TTC34: variants seen among roughly 807,000 people sequenced by gnomAD.
TTC34 encodes tetratricopeptide repeat domain 34, also known as tetratricopeptide repeat protein 34.
Under a neutral mutation model 40.7 loss-of-function variants are expected in TTC34, and 44 were observed. That is an observed-to-expected ratio of 1.08 (90% CI 0.85 to 1.39). TTC34 has a LOEUF of 1.39. TTC34 is among the 40% of genes most tolerant of loss of function. TTC34 has a pLI of 0.00. For synonymous variants in TTC34, 422 were observed against 398.6 expected, an observed-to-expected ratio of 1.06 and a Z score of -0.70; for missense variants, 884 against 838.0, an observed-to-expected ratio of 1.05 and a Z score of -0.68.
chr1:2,778,710 C>T (rs1413583953), intron 6 of TTC34, among the ~76,000 whole-genome samples: 1 of 152,232 alleles, frequency 6.6e-6, no homozygotes, highest in African/African-American at 2.4e-5. Flanking sequence ...GCAGCACCCA[C>T]CCTCTTCTTT....
intron 6 of TTC34, among the ~76,000 whole-genome samples, chr1:2,690,721 G>A (rs1176701801): frequency 2.5e-5 from 2 of 80,312 alleles, no homozygotes; most frequent in African/African-American, 4.2e-5. Flanking sequence ...GCATGCGATA[G>A]CCTGGAGCAG....
chr1:2,684,665 C>T (rs1199279183), intron 6 of TTC34, among the ~76,000 whole-genome samples: 1 of 132,352 alleles, frequency 7.6e-6, no homozygotes, highest in African/African-American at 3.3e-5. Context: ...CAGCCTGGAG[C>T]AGCACCCACA....
exon 6 of TTC34, chr1:2,783,637 A>G: frequency 6.8e-7 from 1 of 1,460,114 alleles, no homozygotes; most frequent in South Asian, 1.4e-5. Flanking sequence ...CAGGTGCACC[A>G]ACGCCCGTCC....
At chr1:2,799,345 C>A (rs1267199538) in intron 2 of TTC34, among the ~76,000 whole-genome samples, 1 of 152,182 alleles carries the variant, frequency 6.6e-6, no homozygotes, top group Non-Finnish European at 1.5e-5. Context: ...GAATTTGAGA[C>A]CAGCCTGGCC....
At chr1:2,692,086 C>T (rs112918846) in intron 6 of TTC34, among the ~76,000 whole-genome samples, 63 of 103,506 alleles carry the variant, frequency 6.1e-4, no homozygotes, top group African/African-American at 1.7e-3. Context: ...CATCCGACAG[C>T]CTGGAGCAGA....
chr1:2,685,290 C>A (rs1640281227), intron 6 of TTC34, among the ~76,000 whole-genome samples: 1 of 111,960 alleles, frequency 8.9e-6, no homozygotes, highest in East Asian at 2.9e-4. Context: ...CCCAGGTGAG[C>A]ATCCCACAGC....
chr1:2,792,034 A>T (rs867261667), intron 2 of TTC34, among the ~76,000 whole-genome samples: 551 of 10,524 alleles, frequency 0.052, 18 homozygotes, highest in Non-Finnish European at 0.14. Context: ...TTTTTTTTTT[A>T]AAGACAGGGT....
intron 6 of TTC34, among the ~76,000 whole-genome samples, chr1:2,753,737 C>A (rs1641406336): frequency 9.7e-6 from 1 of 102,914 alleles, no homozygotes; most frequent in African/African-American, 5.7e-5. Flanking sequence ...AGCACACACA[C>A]CCACAAGCGA....
At chr1:2,690,148 A>G (rs1301793124) in intron 6 of TTC34, among the ~76,000 whole-genome samples, 1,193 of 103,478 alleles carry the variant, frequency 0.012, 1 homozygote, top group African/African-American at 0.029. Flanking sequence ...CCCCAAGGTG[A>G]GCATCTGACA....
intron 6 of TTC34, among the ~76,000 whole-genome samples, chr1:2,782,582 G>T (rs114921512): frequency 0.026 from 3,874 of 151,716 alleles, 166 homozygotes; most frequent in African/African-American, 0.089. Flanking sequence ...TTAGATTGTT[G>T]ATTTGAGATC....
chr1:2,787,728 G>T, intron 3 of TTC34, 22 bp from the exon 4 acceptor site: 4 of 1,505,676 alleles, frequency 2.7e-6, no homozygotes, highest in Non-Finnish European at 3.6e-6. Flanking sequence ...TCAGCTCAGG[G>T]GGGCATGCCC....
intron 6 of TTC34, among the ~76,000 whole-genome samples, chr1:2,779,438 C>T (rs1367972992): frequency 6.6e-6 from 1 of 152,176 alleles, no homozygotes; most frequent in African/African-American, 2.4e-5. Flanking sequence ...ATTCTCCTGC[C>T]TCAGCCTCCC....
intron 6 of TTC34, among the ~76,000 whole-genome samples, chr1:2,677,673 C>T (rs1570792956): frequency 6.6e-6 from 1 of 151,870 alleles, no homozygotes; most frequent in African/African-American, 2.4e-5. Context: ...ATCTGACAGC[C>T]TGGAACAGCA....
intron 6 of TTC34, among the ~76,000 whole-genome samples, chr1:2,694,945 C>T (rs559448737): frequency 1.5e-4 from 17 of 115,472 alleles, no homozygotes; most frequent in East Asian, 2.7e-4. Context: ...TTGAGCAGCA[C>T]CCACACCCCC....
chr1:2,694,923 C>A lies in TTC34; in HGVS notation c.2227-49360G>T, dbSNP rs543335828. Among the ~76,000 whole-genome samples the A allele has an allele frequency of 3.6e-5, 5 of 137,250 alleles. No homozygotes were observed. The South Asian group carries it at 9.1e-4, about 25-fold the overall frequency. The allele number at this position is 137,250 out of a possible 152,430, so 90.0% of individuals were successfully genotyped here. A position where few individuals can be genotyped will look rare whatever the true frequency, so the allele number is the denominator to read the frequency against. On this transcript the variant is annotated intron_variant, in intron 6 of 8. Coordinates refer to ENST00000401095, the Ensembl canonical transcript of TTC34. ...AACAGCACCCACACACTCACGCGAG[C>A]ACCTGACATCCTTGAGCAGCACCCA...
chr1:2,750,229 G>T (rs1641270136), intron 6 of TTC34, among the ~76,000 whole-genome samples: 109 of 150,180 alleles, frequency 7.3e-4, no homozygotes, highest in Non-Finnish European at 1.1e-3. Flanking sequence ...TGATGGTCTG[G>T]AGCAGCACCC....
At chr1:2,752,268 C>A (rs1208152023) in intron 6 of TTC34, among the ~76,000 whole-genome samples, 1 of 100,932 alleles carries the variant, frequency 9.9e-6, no homozygotes, top group Non-Finnish European at 1.9e-5. Flanking sequence ...GAGCCTCTGA[C>A]AGCCTGGAAC....
In TTC34 at chr1:2,645,587, G is replaced by GGC; in HGVS notation, c.2227-25_2227-24insGC. ...TCCTGCAAGGAGGGAGGGCGGGCGG[G>GGC]TGCAGAGTTGTCCTAAGTAGAGAAA... On this transcript the variant is annotated intron_variant, in intron 6 of 8. Transcript: ENST00000401095. The surrounding 1 kb of genome is among the most constrained non-coding windows in gnomAD (Gnocchi z 4.7). The GGC allele has an allele frequency of 1.7e-5, 4 of 229,530 alleles. No individual in the cohort carries two copies. The highest frequency in any genetic ancestry group is 1.3e-4 in the East Asian group (1 of 7,780). The allele number at this position is 229,530 out of a possible 1,614,324, so 14.2% of individuals were successfully genotyped here.
chr1:2,692,485 C>G (rs1447652833), intron 6 of TTC34, among the ~76,000 whole-genome samples: 1 of 125,738 alleles, frequency 8.0e-6, no homozygotes, highest in Admixed American at 8.0e-5. Flanking sequence ...CATCTGACAG[C>G]CTGGAACAGC....
Sources: gnomAD v4.1 joint callset for allele counts (sites outside exome capture counted in the v4.1 genomes callset) on GRCh38, gnomAD v4.1.1 for gene constraint, Gnocchi (gnomAD v3.1) non-coding constraint, MANE v1.5 for transcripts, NCBI Gene and HGNC (gene_info 2026-07-23, HGNC 2026-07-21) for gene names.